RAB5B: variants seen among roughly 807,000 people sequenced by gnomAD.
RAB5B encodes the protein ras-related protein Rab-5B.
Under a neutral mutation model 28.6 loss-of-function variants are expected in RAB5B, and 11 were observed. The observed-to-expected ratio is 0.38, with a 90% CI of 0.24 to 0.64. The LOEUF is 0.64. Ranked by LOEUF, RAB5B falls within the 30% of genes least tolerant of loss-of-function variation. The pLI is 0.53. For missense variants in RAB5B, 169 were observed against 265.6 expected (o/e 0.64, Z 2.53); for synonymous variants, 93 against 97.9 (o/e 0.95, Z 0.29).
intron 1 of RAB5B, among the ~76,000 whole-genome samples, chr12:55,976,868 C>T (rs758937391): frequency 6.6e-6 from 1 of 152,168 alleles, no homozygotes; most frequent in Non-Finnish European, 1.5e-5. Flanking sequence ...GCTTTAAAAG[C>T]CCTCTGTTGT....
chr12:55,990,224 A>C, intron 3 of RAB5B, 126 bp downstream of exon 3: 2 of 1,074,786 alleles, frequency 1.9e-6, no homozygotes, highest in Non-Finnish European at 1.3e-6. Context: ...CCTGGCCAAC[A>C]TGGTGAAACC....
chr12:55,988,596 C>T (rs1193557582), intron 2 of RAB5B, among the ~76,000 whole-genome samples: 1 of 152,050 alleles, frequency 6.6e-6, no homozygotes, highest in African/African-American at 2.4e-5. Flanking sequence ...TTCTGCCTCC[C>T]AGGTTCAAGT....
chr12:55,989,243 A>G (rs889467780), intron 2 of RAB5B, among the ~76,000 whole-genome samples: 21 of 151,112 alleles, frequency 1.4e-4, no homozygotes, highest in African/African-American at 4.6e-4. Flanking sequence ...CGCCCAGCCA[A>G]TCCTCTAATT....
chr12:55,990,720 A>C lies in RAB5B; in HGVS notation c.354A>C (p.Leu118=). 1 of 1,614,102 alleles carries C rather than the reference A, an allele frequency of 6.2e-7. No individual in the cohort carries two copies. Among genetic ancestry groups the C allele is most frequent in the South Asian group, 1.1e-5 (1 of 91,086 alleles). Residue 118 remains leucine (L), a synonymous_variant, in exon 4 of 6, where the codon CTA becomes CTC. Transcript: ENST00000360299. ...GAGCAAAGACATGGGTGAAGGAACT[A>C]CAGCGACAGGCCAGTCCTAGCATCG... ...FARAKTWVKE[L]QRQASPSIVI... is the part of the protein sequence containing the mutation.
chr12:55,980,867 T>A (rs769635661), intron 1 of RAB5B: 97 of 1,610,560 alleles, frequency 6.0e-5, no homozygotes, highest in Non-Finnish European at 8.0e-5. Flanking sequence ...TAGTTTGATC[T>A]TCTTCCCCTC....
At chr12:55,989,277 G>C (rs1386833462) in intron 2 of RAB5B, among the ~76,000 whole-genome samples, 1 of 150,366 alleles carries the variant, frequency 6.7e-6, no homozygotes, top group African/African-American at 2.4e-5. Context: ...GTTTGCGTTT[G>C]TTTGTTTGTT....
chr12:55,975,612 T>C (rs1291077383), intron 1 of RAB5B, among the ~76,000 whole-genome samples: 1 of 143,368 alleles, frequency 7.0e-6, no homozygotes, highest in Non-Finnish European at 1.5e-5. Context: ...AGACCCTGTC[T>C]CCAAAAAAAA....
chr12:55,980,626 G>A (rs1181837501), intron 1 of RAB5B: 14 of 1,598,792 alleles, frequency 8.8e-6, no homozygotes, highest in African/African-American at 8.0e-5. Flanking sequence ...CCAACTTATC[G>A]GCCTGCTCCT....
intron 2 of RAB5B, 62 bp from the exon 3 acceptor site, chr12:55,989,885 G>C: frequency 6.5e-7 from 1 of 1,538,022 alleles, no homozygotes; most frequent in Non-Finnish European, 9.0e-7. Flanking sequence ...TGAAGGGGGG[G>C]AGGGATGTTC....
Position 55,992,993 on chromosome 12 carries a change from T to G in RAB5B, c.*781T>G, listed in dbSNP as rs754543187. The G allele has an allele frequency of 5.4e-6, 1 of 185,076 alleles. No individual in the cohort carries two copies. Among genetic ancestry groups the G allele is most frequent in the Admixed American group, 6.5e-5 (1 of 15,500 alleles). 11.5% of individuals were successfully genotyped at this position (185,076 alleles called of 1,614,324 possible). ...TCTTAGGTAGCGTTTCCCCTAATCG[T>G]GGGGGTTGGACCCCAGAGTCTTCCA... is the stretch of plus-strand genomic sequence containing the variant. On this transcript the variant is annotated 3_prime_UTR_variant, in exon 6 of 6. Coordinates refer to ENST00000360299, the MANE Select transcript of RAB5B (RefSeq NM_002868.4).
chr12:55,992,986 C>T lies in RAB5B; in HGVS notation c.*774C>T. 1 of 187,416 alleles carries T rather than the reference C, an allele frequency of 5.3e-6. No individual in the cohort carries two copies. The highest frequency in any genetic ancestry group is 1.1e-5 in the Non-Finnish European group (1 of 92,650). 11.6% of individuals were successfully genotyped at this position (187,416 alleles called of 1,614,324 possible). A position where few individuals can be genotyped will look rare whatever the true frequency, so the allele number is the denominator to read the frequency against. ...CGCAGCCTCTTAGGTAGCGTTTCCCCTAATCGTGGGGGTTGGACCCCAGAG... is the reference window on the plus strand; with the variant it reads ...CGCAGCCTCTTAGGTAGCGTTTCCCTTAATCGTGGGGGTTGGACCCCAGAG... On this transcript the variant is annotated 3_prime_UTR_variant, in exon 6 of 6. Coordinates refer to ENST00000360299, the MANE Select transcript of RAB5B (RefSeq NM_002868.4).
chr12:55,986,792 G>A lies in RAB5B; in HGVS notation c.-92-77G>A. On this transcript the variant is annotated intron_variant, in intron 1 of 5. Transcript: ENST00000360299. ...CCTCATAGAAGCAAGGAGATGAAGA[G>A]GTTCTATCCTTCTCTGAAAAGCGAT... 5 of 634,738 alleles carry A rather than the reference G, an allele frequency of 7.9e-6. No individual in the cohort carries two copies. The South Asian group carries it at 9.2e-5, about 12-fold the overall frequency. 39.3% of individuals were successfully genotyped at this position (634,738 alleles called of 1,614,324 possible).
intron 2 of RAB5B, among the ~76,000 whole-genome samples, chr12:55,988,132 A>G (rs61937249): frequency 0.24 from 36,088 of 151,612 alleles, 5,062 homozygotes; most frequent in Non-Finnish European, 0.32. Flanking sequence ...CTGGGTGACT[A>G]GAGTGAAAAT....
chr12:55,992,620 T>G lies in RAB5B; in HGVS notation c.*408T>G, dbSNP rs1447164770. 6.9e-6 allele frequency: 3 copies of G among 437,252 alleles called. No homozygotes were observed. The Admixed American group carries it at 8.7e-5, about 13-fold the overall frequency. 27.1% of individuals were successfully genotyped at this position (437,252 alleles called of 1,614,324 possible). A position where few individuals can be genotyped will look rare whatever the true frequency, so the allele number is the denominator to read the frequency against. ...GTCAGTCCCTGTTCTTGAGCCTCTT[T>G]TCTCCTCTCCCCAGGATGCAGAAAG... On this transcript the variant is annotated 3_prime_UTR_variant, in exon 6 of 6. Transcript: ENST00000360299.
chr12:55,983,204 A>G (rs1223489443), intron 1 of RAB5B, among the ~76,000 whole-genome samples: 1 of 152,018 alleles, frequency 6.6e-6, no homozygotes, highest in African/African-American at 2.4e-5. Flanking sequence ...TCAGCTTCCC[A>G]AGTAGCTGGG....
chr12:55,985,985 A>G (rs1014488177), intron 1 of RAB5B, among the ~76,000 whole-genome samples: 4 of 152,180 alleles, frequency 2.6e-5, no homozygotes, highest in African/African-American at 4.8e-5. Flanking sequence ...ATGAGAAAGG[A>G]TAGATTTTGT....
intron 4 of RAB5B, 84 bp downstream of exon 4, chr12:55,990,888 G>A (rs1021110157): frequency 1.7e-5 from 26 of 1,517,678 alleles, no homozygotes; most frequent in East Asian, 1.1e-4. Context: ...CTCTGAAAAC[G>A]TCAACAGAGG....
In RAB5B at chr12:55,993,381, A is replaced by G. The variant is rs1370366288; in HGVS notation, c.*1169A>G. Reference sequence around the variant, plus strand: ...CCTCCAACTCTAATTATTAACCTATATTCTTGCCAAGCTAACTATTGACTA... The same window carrying G: ...CCTCCAACTCTAATTATTAACCTATGTTCTTGCCAAGCTAACTATTGACTA... On this transcript the variant is annotated 3_prime_UTR_variant, in exon 6 of 6. Transcript: ENST00000360299. 1 of 152,620 alleles carries G rather than the reference A, an allele frequency of 6.6e-6. No homozygotes were observed. Among genetic ancestry groups the G allele is most frequent in the African/African-American group, 2.4e-5 (1 of 41,436 alleles). The allele number at this position is 152,620 out of a possible 1,614,324, so 9.5% of individuals were successfully genotyped here.
At chr12:55,990,260 T>C (rs1890071072) in intron 3 of RAB5B, 162 bp downstream of exon 3, 2 of 779,894 alleles carry the variant, frequency 2.6e-6, no homozygotes, top group Non-Finnish European at 3.9e-6. Context: ...TTACAAAAAT[T>C]AGTTGGGCGT....
Sources: allele counts gnomAD v4.1 joint callset (sites outside exome capture counted in the v4.1 genomes callset), GRCh38; gene constraint gnomAD v4.1.1; transcripts MANE v1.5; gene names NCBI Gene and HGNC (gene_info 2026-07-23, HGNC 2026-07-21).